The following RAB28 variants were observed in gnomAD, a reference collection of about 807,000 sequenced individuals.
RAB28 encodes RAB28, member RAS oncogene family.
Under a neutral mutation model 31.7 loss-of-function variants are expected in RAB28, and 24 were observed. The ratio of observed to expected loss-of-function variants is 0.76; its 90% confidence interval spans 0.55 to 1.06. The LOEUF (loss-of-function observed/expected upper bound fraction) is 1.06. Among genes scored for constraint, RAB28 ranks in the 50% least tolerant of loss-of-function variants. RAB28 has a pLI of 0.00. For missense variants in RAB28, 254 were observed against 258.5 expected, an observed-to-expected ratio of 0.98 and a Z score of 0.12; for synonymous variants, 100 against 90.4, an observed-to-expected ratio of 1.11 and a Z score of -0.60.
intron 4 of RAB28, among the ~76,000 whole-genome samples, chr4:13,448,157 C>T (rs1237471507): frequency 1.3e-5 from 2 of 152,044 alleles, no homozygotes; most frequent in Admixed American, 6.5e-5. Context: ...TTTTCCACAA[C>T]CACTGCAAAT....
chr4:13,425,567 ATATG>A (rs1489517814), intron 4 of RAB28, among the ~76,000 whole-genome samples: 1 of 152,130 alleles, frequency 6.6e-6, no homozygotes, highest in Non-Finnish European at 1.5e-5. Context: ...ATACACACAC[ATATG>A]TACACATGCA....
intron 6 of RAB28, among the ~76,000 whole-genome samples, chr4:13,373,620 T>C (rs1459603041): frequency 2.0e-5 from 3 of 152,188 alleles, no homozygotes; most frequent in Non-Finnish European, 4.4e-5. Flanking sequence ...TCTCTCTTCC[T>C]CTTCCTTGCA....
chr4:13,390,808 G>T (rs992081940), intron 4 of RAB28, among the ~76,000 whole-genome samples: 1 of 152,136 alleles, frequency 6.6e-6, no homozygotes, highest in Non-Finnish European at 1.5e-5. Context: ...ATGGGGAAAG[G>T]ATTCCCTATT....
chr4:13,380,374 T>C (rs996011372), intron 5 of RAB28, among the ~76,000 whole-genome samples: 2 of 152,002 alleles, frequency 1.3e-5, no homozygotes, highest in East Asian at 1.9e-4. Flanking sequence ...AATAGTCAAA[T>C]AGGGGTCAGT....
chr4:13,484,281 G>T lies in RAB28; in HGVS notation c.-131C>A. 1 of 700,950 alleles carries T rather than the reference G, an allele frequency of 1.4e-6. No homozygotes were observed. The highest frequency in any genetic ancestry group is 2.7e-5 in the East Asian group (1 of 36,364). 43.4% of individuals were successfully genotyped at this position (700,950 alleles called of 1,614,324 possible). On this transcript the variant is annotated 5_prime_UTR_variant, in exon 1 of 7. In the 5' UTR this introduces an upstream ATG that the reference lacks. Transcript: ENST00000330852. The stretch of plus-strand genomic sequence containing the variant: ...CCGCCCCGGTGTCTCCGCGCCGGCA[G>T]GAGGTATTCGAGGAGAATCACTCGG...
intron 4 of RAB28, among the ~76,000 whole-genome samples, chr4:13,408,280 T>C (rs553867860): frequency 2.6e-4 from 40 of 152,340 alleles, no homozygotes; most frequent in Non-Finnish European, 5.1e-4. Flanking sequence ...CATGTGGTTT[T>C]TGTCATTGGT....
intron 4 of RAB28, among the ~76,000 whole-genome samples, chr4:13,405,221 T>C (rs1577180000): frequency 6.6e-6 from 1 of 152,286 alleles, no homozygotes; most frequent in East Asian, 1.9e-4. Context: ...TTTCTTTTAC[T>C]GGGGTATATT....
intron 3 of RAB28, among the ~76,000 whole-genome samples, chr4:13,470,596 G>C (rs1316667392): frequency 6.6e-6 from 1 of 152,028 alleles, no homozygotes; most frequent in Non-Finnish European, 1.5e-5. Flanking sequence ...GACAGAAAGA[G>C]CTACAAAAAT....
chr4:13,424,983 G>T (rs1392087148), intron 4 of RAB28, among the ~76,000 whole-genome samples: 1 of 151,980 alleles, frequency 6.6e-6, no homozygotes, highest in East Asian at 1.9e-4. Flanking sequence ...CTCCTCAGAA[G>T]AATCATCTAC....
At chr4:13,467,218 G>A (rs1715900562) in intron 3 of RAB28, among the ~76,000 whole-genome samples, 1 of 151,778 alleles carries the variant, frequency 6.6e-6, no homozygotes, top group African/African-American at 2.4e-5. Context: ...TAATGAATAT[G>A]CTAATTGGCT....
At chr4:13,473,475 C>T (rs960955186) in intron 3 of RAB28, among the ~76,000 whole-genome samples, 2 of 151,888 alleles carry the variant, frequency 1.3e-5, no homozygotes, top group African/African-American at 4.8e-5. Context: ...ATATTCTCTA[C>T]TTCATCAGAT....
chr4:13,389,512 C>A (rs1034434472), intron 4 of RAB28, among the ~76,000 whole-genome samples: 3 of 152,002 alleles, frequency 2.0e-5, no homozygotes, highest in African/African-American at 4.8e-5. Context: ...GATAATCCAC[C>A]ACTCTGAAAT....
intron 4 of RAB28, among the ~76,000 whole-genome samples, chr4:13,442,008 C>A (rs574611961): frequency 1.3e-5 from 2 of 152,130 alleles, no homozygotes; most frequent in African/African-American, 4.8e-5. Context: ...CTTGAGAGCA[C>A]GTTTTAAAAT....
At position 13,484,095 on chromosome 4, in the gene RAB28, C is replaced by G; in HGVS notation, c.56G>C (p.Gly19Ala). Residue 19 changes from glycine to alanine, a missense_variant, in exon 1 of 7, where the codon GGG (glycine) becomes GCG (alanine). Gly to Ala is a moderately conservative substitution (Grantham distance 60). Transcript: ENST00000330852. Reference sequence around the variant, plus strand: ...ACTGACCTTCCCGGAGGCGCCGTCCCCCAGCACGACGATTTTCAGTTGCCG... The same window carrying G: ...ACTGACCTTCCCGGAGGCGCCGTCCGCCAGCACGACGATTTTCAGTTGCCG... ...QDRQLKIVVL[G>A]DGASGKTSLT... 3.7e-6 allele frequency: 6 copies of G among 1,601,884 alleles called. No individual in the cohort carries two copies. The highest frequency in any genetic ancestry group is 5.1e-6 in the Non-Finnish European group (6 of 1,174,728).
chr4:13,376,870 T>G (rs1451030363), intron 5 of RAB28, among the ~76,000 whole-genome samples: 2 of 152,034 alleles, frequency 1.3e-5, no homozygotes. Context: ...AACACACACA[T>G]GAAAGATTTA....
At chr4:13,390,030 T>G (rs963302302) in intron 4 of RAB28, among the ~76,000 whole-genome samples, 3 of 152,172 alleles carry the variant, frequency 2.0e-5, no homozygotes, top group African/African-American at 7.2e-5. Context: ...CCAGTCCTAT[T>G]CAACATAGTG....
rs1286493407 is a variant in RAB28 at position 13,381,501 on chromosome 4, G to C, written c.485C>G (p.Thr162Arg). 1.2e-6 allele frequency: 2 copies of C among 1,607,522 alleles called. No homozygotes were observed. The highest frequency in any genetic ancestry group is 8.5e-7 in the Non-Finnish European group (1 of 1,174,424). The stretch of plus-strand genomic sequence containing the variant: ...CATTATTTTACTTACAGAGTCTCCT[G>C]TCTTGGCTGAGACAAAGTGGCTACT... Reference protein sequence around the residue: ...GFSSHFVSAKTGDSVFLCFQK... With the variant: ...GFSSHFVSAKRGDSVFLCFQK... The change falls in exon 5 of 7, where the codon ACA (threonine) becomes AGA (arginine). Residue 162 changes from threonine to arginine, a missense_variant. Transcript: ENST00000330852.
At chr4:13,414,066 A>G (rs1712609498) in intron 4 of RAB28, among the ~76,000 whole-genome samples, 2 of 152,170 alleles carry the variant, frequency 1.3e-5, no homozygotes, top group Non-Finnish European at 2.9e-5. Flanking sequence ...AACATTCCAT[A>G]AGCAAAGATT....
chr4:13,442,361 C>T (rs1367761071), intron 4 of RAB28, among the ~76,000 whole-genome samples: 1 of 151,234 alleles, frequency 6.6e-6, no homozygotes, highest in African/African-American at 2.4e-5. Flanking sequence ...TTTTATTACA[C>T]ACGTGTCTGC....
Sources: allele counts gnomAD v4.1 joint callset (sites outside exome capture counted in the v4.1 genomes callset), GRCh38; gene constraint gnomAD v4.1.1; transcripts MANE v1.5; gene names NCBI Gene and HGNC (gene_info 2026-07-23, HGNC 2026-07-21).